The following DYNC2H1 variants were observed in gnomAD, a reference collection of about 807,000 sequenced individuals.
DYNC2H1 encodes the protein cytoplasmic dynein 2 heavy chain 1.
DYNC2H1 carries 410 observed loss-of-function variants against 570.0 expected under a neutral mutation model. The ratio of observed to expected loss-of-function variants is 0.72; its 90% CI spans 0.66 to 0.78. DYNC2H1 has a LOEUF of 0.78. DYNC2H1 is among the 30% of genes least tolerant of loss of function. The pLI is 0.00. For missense variants in DYNC2H1, 4,865 were observed against 5,046.4 expected, an observed-to-expected ratio of 0.96 and a Z score of 1.09; for synonymous variants, 1,688 against 1,677.6, an observed-to-expected ratio of 1.01 and a Z score of -0.15.
At chr11:103,444,239 A>C (rs1452627004) in intron 85 of DYNC2H1, among the ~76,000 whole-genome samples, 1 of 151,932 alleles carries the variant, frequency 6.6e-6, no homozygotes, top group Non-Finnish European at 1.5e-5. Flanking sequence ...AACAATTTTT[A>C]TAATAATTAT....
intron 82 of DYNC2H1, among the ~76,000 whole-genome samples, chr11:103,353,313 A>G (rs986682094): frequency 6.6e-6 from 1 of 152,176 alleles, no homozygotes; most frequent in African/African-American, 2.4e-5. Context: ...TTTACAAAAA[A>G]TGATTGTCTG....
intron 78 of DYNC2H1, among the ~76,000 whole-genome samples, chr11:103,308,562 T>C (rs1312321604): frequency 1.3e-5 from 2 of 152,222 alleles, no homozygotes; most frequent in Admixed American, 1.3e-4. Context: ...TTTAAGTTTT[T>C]GATGGAACTT....
intron 8 of DYNC2H1, 23 bp from the exon 9 acceptor site, chr11:103,120,902 G>A (rs947387890): frequency 2.2e-6 from 3 of 1,364,740 alleles, no homozygotes; most frequent in Non-Finnish European, 2.9e-6. Context: ...GGATGAACAT[G>A]TACTTATTTT....
In DYNC2H1 at chr11:103,135,887, C is replaced by T. The variant is rs749588410; in HGVS notation, c.2513C>T (p.Thr838Met). 2.5e-5 allele frequency: 40 copies of T among 1,612,608 alleles called. No individual in the cohort carries two copies. The highest frequency in any genetic ancestry group is 1.3e-4 in the East Asian group (6 of 44,832). Residue 838 changes from threonine (T) to methionine (M), a missense_variant, in exon 17 of 89, where the codon ACG (threonine) becomes ATG (methionine). Physicochemically the swap from Thr to Met is moderately conservative, Grantham distance 81. Coordinates refer to ENST00000375735, the MANE Select transcript of DYNC2H1 (RefSeq NM_001377.3). ...GATAGAAATGCAAGTGGATTTTTGA[C>T]GATTTTCAGCAAAGCAGAAGATCTG... Reference protein sequence around the residue: ...MIDRNASGFLTIFSKAEDLFR... With the variant: ...MIDRNASGFLMIFSKAEDLFR...
At position 103,268,673 on chromosome 11, in the gene DYNC2H1, A is replaced by G. The variant is rs12280318; in HGVS notation, c.10695+8696A>G. ...ATGAAAATGTTATGGAGTTACAGTT[A>G]TTTTAAGCTGCCCCAAATCTTTTTT... On this transcript the variant is annotated intron_variant, in intron 70 of 88. Transcript: ENST00000375735. This position sits in a 1 kb window ranked among gnomAD's most constrained non-coding sequence, Gnocchi z 4.6. 0.038 allele frequency among the ~76,000 whole-genome samples: 5,783 copies of G among 152,054 alleles called. 364 individuals are homozygous for G. Among genetic ancestry groups the G allele is most frequent in the African/African-American group, 0.13 (5,500 of 41,504 alleles).
intron 83 of DYNC2H1, among the ~76,000 whole-genome samples, chr11:103,360,967 A>G (rs1444280616): frequency 6.6e-6 from 1 of 152,202 alleles, no homozygotes; most frequent in Non-Finnish European, 1.5e-5. Flanking sequence ...AGCTAGCCAG[A>G]CAGAGTTGGA....
At position 103,255,471 on chromosome 11, in the gene DYNC2H1, A is replaced by G; in HGVS notation, c.10263A>G (p.Lys3421=). ...EKPDLEEQKT[K]LLQQEEDKKI... Reference sequence around the variant, plus strand: ...CTGATTTAGAAGAACAGAAAACAAAACTATTACAACAGGAAGAAGATAAGA... The same window carrying G: ...CTGATTTAGAAGAACAGAAAACAAAGCTATTACAACAGGAAGAAGATAAGA... Residue 3421 remains lysine, a synonymous_variant, in exon 67 of 89, where the codon AAA becomes AAG. Transcript: ENST00000375735. The G allele has an allele frequency of 6.4e-7, 1 of 1,569,846 alleles. No individual in the cohort carries two copies. The highest frequency in any genetic ancestry group is 1.3e-5 in the African/African-American group (1 of 74,100).
chr11:103,343,355 T>C (rs11225734), intron 82 of DYNC2H1, among the ~76,000 whole-genome samples: 32,941 of 152,048 alleles, frequency 0.22, 3,715 homozygotes, highest in Admixed American at 0.31. Context: ...AAGGCTAGTC[T>C]CGCTTCTAAA....
intron 70 of DYNC2H1, among the ~76,000 whole-genome samples, chr11:103,273,829 T>C (rs1865802323): frequency 6.6e-6 from 1 of 152,112 alleles, no homozygotes; most frequent in Non-Finnish European, 1.5e-5. Flanking sequence ...ACACCGTAAT[T>C]ATATGCTCAT....
chr11:103,434,887 G>T (rs566744975), intron 84 of DYNC2H1, among the ~76,000 whole-genome samples: 42 of 152,114 alleles, frequency 2.8e-4, no homozygotes, highest in African/African-American at 1.0e-3. Flanking sequence ...GTCTCGAAAG[G>T]CAGGAAATAT....
intron 83 of DYNC2H1, among the ~76,000 whole-genome samples, chr11:103,375,974 G>T (rs971252317): frequency 1.8e-4 from 28 of 152,150 alleles, no homozygotes; most frequent in African/African-American, 6.8e-4. Context: ...ATCTTGATTT[G>T]TAATCCCCAT....
At position 103,369,994 on chromosome 11, in the gene DYNC2H1, A is replaced by G. The variant is rs1050131814; in HGVS notation, c.12156+11635A>G. On this transcript the variant is annotated intron_variant, in intron 83 of 88. Transcript: ENST00000375735. This position sits in a 1 kb window ranked among gnomAD's most constrained non-coding sequence, Gnocchi z 4.0. ...ATTAGGTAGAAGCTTGGCTACAGAG[A>G]TAGGACACCAAAGAGGCTCTTGGAG... Among the ~76,000 whole-genome samples the G allele has an allele frequency of 1.3e-5, 2 of 152,184 alleles. No individual in the cohort carries two copies. The highest frequency in any genetic ancestry group is 4.8e-5 in the African/African-American group (2 of 41,456).
intron 82 of DYNC2H1, among the ~76,000 whole-genome samples, chr11:103,331,064 A>G (rs1384825663): frequency 6.6e-6 from 1 of 152,214 alleles, no homozygotes; most frequent in Non-Finnish European, 1.5e-5. Context: ...CAGGGCAAAA[A>G]TATGAAATCT....
intron 87 of DYNC2H1, among the ~76,000 whole-genome samples, chr11:103,463,149 A>T (rs1435430195): frequency 6.6e-6 from 1 of 152,208 alleles, no homozygotes; most frequent in African/African-American, 2.4e-5. Context: ...ATCCACTCTT[A>T]TCTAAATATA....
rs1410471713 is a variant in DYNC2H1 at position 103,253,377 on chromosome 11, A to G, written c.10135A>G (p.Ile3379Val). 6.2e-7 allele frequency: 1 copy of G among 1,613,440 alleles called. No homozygotes were observed. The highest frequency in any genetic ancestry group is 8.5e-7 in the Non-Finnish European group (1 of 1,179,560). ...FLSTRNPNPF[I>V]PPDAASIVTE... ...GTCAACAAGAAACCCAAATCCTTTT[A>G]TTCCACCGGATGCAGCTTCCATTGT... The change falls in exon 66 of 89, where the codon ATT becomes GTT. Residue 3379 changes from isoleucine (I) to valine (V), a missense_variant. By Grantham distance (29) the Ile-to-Val change is conservative (BLOSUM62 3). Around this residue, in one of 5 missense-constraint regions of DYNC2H1, gnomAD observed 2,401 missense variants for 2,454.6 expected, o/e 0.98. Transcript: ENST00000375735.
intron 75 of DYNC2H1, among the ~76,000 whole-genome samples, chr11:103,290,953 T>G (rs1459257983): frequency 6.6e-6 from 1 of 152,194 alleles, no homozygotes; most frequent in African/African-American, 2.4e-5. Context: ...CATATCCACC[T>G]CTGCAACTAA....
At chr11:103,330,349 G>A (rs1366387089) in intron 82 of DYNC2H1, among the ~76,000 whole-genome samples, 1 of 151,872 alleles carries the variant, frequency 6.6e-6, no homozygotes, top group Non-Finnish European at 1.5e-5. Context: ...GAGTAAATGA[G>A]AAACACTTTA....
intron 5 of DYNC2H1, 130 bp from the exon 6 acceptor site, chr11:103,117,501 T>C (rs1858470818): frequency 4.5e-6 from 3 of 659,582 alleles, no homozygotes; most frequent in Non-Finnish European, 7.2e-6. Flanking sequence ...AGGACATGCA[T>C]GTGGTATTTC....
intron 47 of DYNC2H1, 141 bp downstream of exon 47, chr11:103,192,405 CAGT>C: frequency 1.7e-6 from 1 of 578,286 alleles, no homozygotes. Context: ...AGGTACAGCT[CAGT>C]CTTTTTTGCT....
Sources: gnomAD v4.1 joint callset for allele counts (sites outside exome capture counted in the v4.1 genomes callset) on GRCh38, gnomAD v4.1.1 for gene constraint, gnomAD v4.1.1 regional missense constraint, Gnocchi (gnomAD v3.1) non-coding constraint, MANE v1.5 for transcripts, NCBI Gene and HGNC (gene_info 2026-07-23, HGNC 2026-07-21) for gene names.